The following KRT85 variants were observed in gnomAD, a reference collection of about 807,000 sequenced individuals.
KRT85 encodes keratin 85.
KRT85 carries 39 observed loss-of-function variants against 53.7 expected under a neutral mutation model. That is an observed-to-expected ratio of 0.73 (90% CI 0.56 to 0.95). The LOEUF (loss-of-function observed/expected upper bound fraction) is 0.95, where lower values mean the gene tolerates loss of function less well. Ranked by LOEUF, KRT85 falls within the 40% of genes least tolerant of loss-of-function variation. The pLI, the probability that KRT85 is intolerant of heterozygous loss-of-function variation, is 0.00. For synonymous variants in KRT85, 291 were observed against 277.5 expected, an observed-to-expected ratio of 1.05 and a Z score of -0.48; for missense variants, 668 against 686.0, an observed-to-expected ratio of 0.97 and a Z score of 0.29.
chr12:52,364,998 T>C lies in KRT85; in HGVS notation c.593A>G (p.Asn198Ser). The C allele has an allele frequency of 6.2e-7, 1 of 1,613,016 alleles. No individual in the cohort carries two copies. The highest frequency in any genetic ancestry group is 8.5e-7 in the Non-Finnish European group (1 of 1,180,006). ...ADSGRLASEL[N>S]HVQEVLEGYK... is the part of the protein sequence containing the mutation. ...GCCCTCCAGCACCTCCTGCACATGG[T>C]TGAGCTCTGAGGCCAGCCTCCCGCT... The change falls in exon 2 of 9, where the codon AAC becomes AGC. Residue 198 changes from asparagine (N) to serine (S), a missense_variant. Transcript: ENST00000257901.
In KRT85 at chr12:52,362,392, G is replaced by T; in HGVS notation, c.1157C>A (p.Ala386Asp). The change falls in exon 7 of 9, where the codon GCT (alanine) becomes GAT (aspartate). Residue 386 changes from alanine to aspartate, a missense_variant. Physicochemically the swap from Ala to Asp is moderately radical, Grantham distance 126. This residue lies in a region of KRT85 where 488 missense variants were observed against 498.1 expected (regional missense o/e 0.98). Coordinates refer to ENST00000257901, the MANE Select transcript of KRT85 (RefSeq NM_002283.4). ...CTTCTGCAGGGCGCCCTCCAGCTCA[G>T]CCAGCTTGCAGCGGGCATCGCTGAG... Reference protein sequence around the residue: ...AALSDARCKLAELEGALQKAK... With the variant: ...AALSDARCKLDELEGALQKAK... The T allele has an allele frequency of 6.2e-7, 1 of 1,614,212 alleles. No homozygotes were observed. Among genetic ancestry groups the T allele is most frequent in the Non-Finnish European group, 8.5e-7 (1 of 1,180,038 alleles).
chr12:52,366,256 C>T (rs527467081), intron 1 of KRT85, among the ~76,000 whole-genome samples: 4 of 152,364 alleles, frequency 2.6e-5, no homozygotes, highest in African/African-American at 9.6e-5. Flanking sequence ...TGTCACACCT[C>T]CTCACCTACC....
In KRT85 at chr12:52,367,260, G is replaced by T; in HGVS notation, c.146C>A (p.Thr49Lys). 7 of 1,612,164 alleles carry T rather than the reference G, an allele frequency of 4.3e-6. No individual in the cohort carries two copies. The highest frequency in any genetic ancestry group is 5.9e-6 in the Non-Finnish European group (7 of 1,178,708). ...YRGVSCYRGL[T>K]GFGSRSLCNL... is the part of the protein sequence containing the mutation. ...GCAGAGGCTGCGGCTGCCGAAGCCCGTCAGCCCTCGGTAGCAGGACACCCC... is the reference window on the plus strand; with the variant it reads ...GCAGAGGCTGCGGCTGCCGAAGCCCTTCAGCCCTCGGTAGCAGGACACCCC... The change falls in exon 1 of 9, where the codon ACG becomes AAG. Residue 49 changes from threonine (T) to lysine (K), a missense_variant. Thr to Lys is a moderately conservative substitution (Grantham distance 78). Coordinates refer to ENST00000257901, the MANE Select transcript of KRT85 (RefSeq NM_002283.4).
chr12:52,367,366 C>T lies in KRT85; in HGVS notation c.40G>A (p.Val14Ile), dbSNP rs1272408404. ...GAGCAGGAGCTGAAGTTCCTGGTGA[C>T]CCCGCATCCTGAGCTGATCCTGTAG... The part of the protein sequence containing the change: ...RSYRISSGCG[V>I]TRNFSSCSAV... The change falls in exon 1 of 9, where the codon GTC becomes ATC. Residue 14 changes from valine (V) to isoleucine (I), a missense_variant. Val to Ile is a conservative substitution (Grantham distance 29). Around this residue, in one of 3 missense-constraint regions of KRT85, gnomAD observed 158 missense variants for 141.8 expected, o/e 1.11. Coordinates refer to ENST00000257901, the MANE Select transcript of KRT85 (RefSeq NM_002283.4). 1 of 1,614,112 alleles carries T rather than the reference C, an allele frequency of 6.2e-7. No individual in the cohort carries two copies. The highest frequency in any genetic ancestry group is 1.7e-5 in the Admixed American group (1 of 60,032).
intron 5 of KRT85, 49 bp from the exon 6 acceptor site, chr12:52,363,028 C>G: frequency 1.2e-6 from 2 of 1,613,996 alleles, no homozygotes; most frequent in Non-Finnish European, 1.7e-6. Context: ...GCCCCCCATC[C>G]ATTCAGGACA....
intron 4 of KRT85, among the ~76,000 whole-genome samples, 168 bp from the exon 5 acceptor site, chr12:52,363,578 C>T (rs189324939): frequency 6.6e-6 from 1 of 152,244 alleles, no homozygotes; most frequent in Admixed American, 6.5e-5. Flanking sequence ...AACAACAAAG[C>T]TGAAAGGGGC....
At position 52,365,095 on chromosome 12, in the gene KRT85, T is replaced by C. The variant is rs1229233715; in HGVS notation, c.496A>G (p.Ser166Gly). ...QFYQNQRCCESNLEPLFSGYI... is the reference protein window; with the variant it reads ...QFYQNQRCCEGNLEPLFSGYI... ...CCACTGAACAGTGGCTCCAGGTTGCTCTCGCAGCAGCGCTGGTTCTGGTAG... is the reference window on the plus strand; with the variant it reads ...CCACTGAACAGTGGCTCCAGGTTGCCCTCGCAGCAGCGCTGGTTCTGGTAG... The change falls in exon 2 of 9, where the codon AGC (serine) becomes GGC (glycine). Residue 166 changes from serine (S) to glycine (G), a missense_variant. This residue lies in a region of KRT85 where 488 missense variants were observed against 498.1 expected (regional missense o/e 0.98). Coordinates refer to ENST00000257901, the MANE Select transcript of KRT85 (RefSeq NM_002283.4). 2 of 1,614,160 alleles carry C rather than the reference T, an allele frequency of 1.2e-6. No homozygotes were observed. The highest frequency in any genetic ancestry group is 1.7e-4 in the Middle Eastern group (1 of 5,966).
In KRT85 at chr12:52,362,485, A is replaced by T; in HGVS notation, c.1078-14T>A. On this transcript the variant is annotated splice_polypyrimidine_tract_variant and intron_variant, in intron 6 of 8. Coordinates refer to ENST00000257901, the MANE Select transcript of KRT85 (RefSeq NM_002283.4). Reference sequence around the variant, plus strand: ...CAGCTTGGCACGCTATCAGGTGGAGATACAAGGGCCAGGATGAGAAAGAGA... The same window carrying T: ...CAGCTTGGCACGCTATCAGGTGGAGTTACAAGGGCCAGGATGAGAAAGAGA... 6.2e-7 allele frequency: 1 copy of T among 1,613,774 alleles called. No homozygotes were observed. Among genetic ancestry groups the T allele is most frequent in the Non-Finnish European group, 8.5e-7 (1 of 1,179,862 alleles).
rs767201385 is a variant in KRT85 at position 52,367,148 on chromosome 12, G to A, written c.258C>T (p.Gly86=). The change falls in exon 1 of 9, where the codon GGC becomes GGT. Residue 86 remains glycine (G), a synonymous_variant. Transcript: ENST00000257901. ...CGRSFGYRSG[G]VCGPSPPCIT... ...TGCATGGGGGGCTGGGTCCGCACAC[G>A]CCCCCGGAGCGGTAGCCGAAGCTGC... is the stretch of plus-strand genomic sequence containing the variant. 10 of 1,613,380 alleles carry A rather than the reference G, an allele frequency of 6.2e-6. No individual in the cohort carries two copies. Among genetic ancestry groups the A allele is most frequent in the Non-Finnish European group, 8.5e-7 (1 of 1,180,028 alleles).
In KRT85 at chr12:52,362,422, G is replaced by A. The variant is rs143320259; in HGVS notation, c.1127C>T (p.Ala376Val). ...AVAEAEQQGE[A>V]ALSDARCKLA... ...CTTGCAGCGGGCATCGCTGAGGGCCGCCTCACCCTGCTGCTCTGCCTCAGC... is the reference window on the plus strand; with the variant it reads ...CTTGCAGCGGGCATCGCTGAGGGCCACCTCACCCTGCTGCTCTGCCTCAGC... Residue 376 changes from alanine to valine, a missense_variant, in exon 7 of 9, where the codon GCG becomes GTG. Physicochemically the swap from Ala to Val is moderately conservative, Grantham distance 64. This residue lies in a region of KRT85 where 488 missense variants were observed against 498.1 expected (regional missense o/e 0.98). Coordinates refer to ENST00000257901, the MANE Select transcript of KRT85 (RefSeq NM_002283.4). The A allele has an allele frequency of 9.4e-5, 151 of 1,614,136 alleles. 1 individual carries two copies. The highest frequency in any genetic ancestry group is 3.7e-4 in the South Asian group (34 of 91,080).
At chr12:52,364,864 G>A (rs1939248059) in intron 2 of KRT85, 98 bp downstream of exon 2, 3 of 1,601,608 alleles carry the variant, frequency 1.9e-6, no homozygotes, top group Non-Finnish European at 2.6e-6. Flanking sequence ...CAGCCTGCTA[G>A]AGGAATCTGA....
chr12:52,360,968 C>T lies in KRT85; in HGVS notation c.1409G>A (p.Gly470Asp). Residue 470 changes from glycine (G) to aspartate (D), a missense_variant, in exon 9 of 9, where the codon GGC becomes GAC. Coordinates refer to ENST00000257901, the MANE Select transcript of KRT85 (RefSeq NM_002283.4). ...GATGCTGCCGCCTATGGCTGAGGGG[C>T]CAGAAGTGATCTGGCGCCCTGGGGT... ...STTPGRQITSGPSAIGGSITV... is the reference protein window; with the variant it reads ...STTPGRQITSDPSAIGGSITV... The T allele has an allele frequency of 6.2e-7, 1 of 1,613,434 alleles. No homozygotes were observed. Among genetic ancestry groups the T allele is most frequent in the Admixed American group, 1.7e-5 (1 of 60,028 alleles).
In KRT85 at chr12:52,367,231, G is replaced by A; in HGVS notation, c.175C>T (p.Leu59=). The change falls in exon 1 of 9, where the codon CTG becomes TTG. Residue 59 remains leucine, a synonymous_variant. Transcript: ENST00000257901. ...GCTATCCGGGGCCCGCAGGAGCCCA[G>A]GTTGCAGAGGCTGCGGCTGCCGAAG... The part of the protein sequence containing the change: ...TGFGSRSLCN[L]GSCGPRIAVG... The A allele has an allele frequency of 6.2e-7, 1 of 1,613,190 alleles. No individual in the cohort carries two copies. Among genetic ancestry groups the A allele is most frequent in the Non-Finnish European group, 8.5e-7 (1 of 1,179,434 alleles).
Position 52,360,676 on chromosome 12 carries a change from C to G in KRT85, c.*177G>C. 1.5e-6 allele frequency: 1 copy of G among 684,130 alleles called. No individual in the cohort carries two copies. Among genetic ancestry groups the G allele is most frequent in the Non-Finnish European group, 2.5e-6 (1 of 395,084 alleles). The allele number at this position is 684,130 out of a possible 1,614,324, so 42.4% of individuals were successfully genotyped here. A position where few individuals can be genotyped will look rare whatever the true frequency, so the allele number is the denominator to read the frequency against. ...AGGAGGACAACTAGGATGCATCTCC[C>G]TAGCATGAAAAGGCGCAGGGGAGCG... is the stretch of plus-strand genomic sequence containing the variant. On this transcript the variant is annotated 3_prime_UTR_variant, in exon 9 of 9. Coordinates refer to ENST00000257901, the MANE Select transcript of KRT85 (RefSeq NM_002283.4).
chr12:52,366,648 C>G (rs1732274), intron 1 of KRT85, among the ~76,000 whole-genome samples: 3,127 of 149,776 alleles, frequency 0.021, 92 homozygotes, highest in African/African-American at 0.072. Flanking sequence ...CACTCACATG[C>G]ATACACACAC....
In KRT85 at chr12:52,360,884, C is replaced by T; in HGVS notation, c.1493G>A (p.Cys498Tyr). ...PCQPRSSSFS[C>Y]GSSRSVRFA The stretch of plus-strand genomic sequence containing the variant: ...AAAGCGGACCGACCGGCTACTCCCG[C>T]AGCTGAAGCTGGAGGAACGAGGCTG... Residue 498 changes from cysteine to tyrosine, a missense_variant, in exon 9 of 9, where the codon TGC becomes TAC. Cys to Tyr is a radical substitution (Grantham distance 194). This residue lies in a region of KRT85 where 488 missense variants were observed against 498.1 expected (regional missense o/e 0.98). Transcript: ENST00000257901. 6.2e-7 allele frequency: 1 copy of T among 1,612,394 alleles called. No homozygotes were observed. Among genetic ancestry groups the T allele is most frequent in the Non-Finnish European group, 8.5e-7 (1 of 1,180,034 alleles).
rs1306163877 is a variant in KRT85, at chr12:52,367,289, G to A, written c.117C>T (p.Tyr39=). 6.2e-7 allele frequency: 1 copy of A among 1,613,138 alleles called. No individual in the cohort carries two copies. Among genetic ancestry groups the A allele is most frequent in the Non-Finnish European group, 8.5e-7 (1 of 1,179,392 alleles). ...GNRCCISAAP[Y]RGVSCYRGLT... ...GCCCTCGGTAGCAGGACACCCCTCG[G>A]TAGGGGGCGGCGCTGATGCAGCAGC... Residue 39 remains tyrosine, a synonymous_variant, in exon 1 of 9, where the codon TAC becomes TAT. Transcript: ENST00000257901.
chr12:52,362,181 T>C (rs1939200499), intron 7 of KRT85, 70 bp downstream of exon 7: 1 of 1,608,746 alleles, frequency 6.2e-7, no homozygotes, highest in Non-Finnish European at 8.5e-7. Context: ...CACACTCAGC[T>C]CAAGGAAATT....
In KRT85 at chr12:52,360,955, T is replaced by G; in HGVS notation, c.1422A>C (p.Ile474=). Residue 474 remains isoleucine (I), a synonymous_variant, in exon 9 of 9, where the codon ATA becomes ATC. Coordinates refer to ENST00000257901, the MANE Select transcript of KRT85 (RefSeq NM_002283.4). ...GGGCCACCACCGTGATGCTGCCGCC[T>G]ATGGCTGAGGGGCCAGAAGTGATCT... ...GRQITSGPSA[I]GGSITVVAPD... The G allele has an allele frequency of 6.2e-7, 1 of 1,613,358 alleles. No homozygotes were observed.
Sources: allele counts gnomAD v4.1 joint callset (sites outside exome capture counted in the v4.1 genomes callset), GRCh38; gene constraint gnomAD v4.1.1; regional missense constraint gnomAD v4.1.1; transcripts MANE v1.5; gene names NCBI Gene and HGNC (gene_info 2026-07-23, HGNC 2026-07-21).